Variants in SATL1 observed in about 807,000 individuals in gnomAD.
The protein encoded by SATL1 is spermidine/spermine N1-acetyl transferase like 1.
In SATL1, 47 loss-of-function variants were observed where a neutral mutation model predicts 51.8. That is an observed-to-expected ratio of 0.91 (90% CI 0.72 to 1.16). SATL1 has a LOEUF of 1.16. Among genes scored for constraint, SATL1 ranks in the 50% most tolerant of loss-of-function variants. The pLI is 0.00. For synonymous variants in SATL1, 176 were observed against 182.4 expected (o/e 0.97, Z 0.28); for missense variants, 520 against 526.4 (o/e 0.99, Z 0.12).
intron 2 of SATL1, chrX:85,142,817 T>A (rs1162224913): frequency 8.9e-6 from 1 of 112,020 alleles, no homozygotes; most frequent in Admixed American, 9.5e-5. Flanking sequence ...CCCAACTGGA[T>A]TACATCTGTA....
At chrX:85,098,728 T>C (rs144250317) in intron 4 of SATL1, among the ~76,000 whole-genome samples, 2,433 of 111,233 alleles carry the variant, frequency 0.022, 100 homozygotes, top group Admixed American at 0.13. Flanking sequence ...GAGGAAAGTA[T>C]AAGGGAAATA....
intron 2 of SATL1, chrX:85,211,663 T>G (rs1461462440): frequency 9.0e-6 from 1 of 110,801 alleles, no homozygotes; most frequent in Non-Finnish European, 1.9e-5. Flanking sequence ...CTGCTTAGAG[T>G]GGTGACTGAA....
intron 1 of SATL1, among the ~76,000 whole-genome samples, chrX:85,240,695 C>T (rs983343278): frequency 9.1e-6 from 1 of 110,348 alleles, no homozygotes; most frequent in Non-Finnish European, 1.9e-5. Context: ...CCCTCTCTAT[C>T]GGTATCATTA....
At chrX:85,209,178 T>G (rs953052171) in intron 2 of SATL1, 3 of 112,044 alleles carry the variant, frequency 2.7e-5, no homozygotes, top group African/African-American at 9.7e-5. Flanking sequence ...TTTGTCAGGT[T>G]TGTCAAAGAT....
intron 2 of SATL1, among the ~76,000 whole-genome samples, chrX:85,135,459 C>T (rs1925927506): frequency 9.0e-6 from 1 of 111,088 alleles, no homozygotes; most frequent in South Asian, 3.9e-4. Context: ...AAAATCAATA[C>T]TTGATTCACT....
At chrX:85,104,015 G>T (rs759926967) in intron 3 of SATL1, 100 bp from the exon 4 acceptor site, 2 of 590,545 alleles carry the variant, frequency 3.4e-6, no homozygotes, top group Non-Finnish European at 5.4e-6. Context: ...GACATGTGAC[G>T]TCCTGGGCAG....
intron 2 of SATL1, among the ~76,000 whole-genome samples, chrX:85,155,247 G>T (rs1926557630): frequency 9.0e-6 from 1 of 111,086 alleles, no homozygotes. Context: ...AGATGTTAAA[G>T]AAGCATTATG....
At chrX:85,177,858 G>A (rs753997003) in intron 2 of SATL1, among the ~76,000 whole-genome samples, 147 of 111,093 alleles carry the variant, frequency 1.3e-3, no homozygotes, top group African/African-American at 4.5e-3. Context: ...TAACAATTGG[G>A]TCAATAAATA....
intron 3 of SATL1, among the ~76,000 whole-genome samples, chrX:85,105,351 G>A (rs754342447): frequency 9.0e-6 from 1 of 111,366 alleles, no homozygotes; most frequent in African/African-American, 3.3e-5. Context: ...CTTGAGGGTA[G>A]AGAGAGACTG....
chrX:85,241,511 A>G (rs775866872), intron 1 of SATL1, among the ~76,000 whole-genome samples: 1 of 111,945 alleles, frequency 8.9e-6, no homozygotes, highest in South Asian at 3.7e-4. Flanking sequence ...ATACAATACT[A>G]TTTTCCAAAA....
chrX:85,144,575 G>A (rs1343062013), intron 2 of SATL1, among the ~76,000 whole-genome samples: 1 of 112,118 alleles, frequency 8.9e-6, no homozygotes, highest in Non-Finnish European at 1.9e-5. Context: ...TTCTGTGCAT[G>A]TTTATAGGTC....
intron 2 of SATL1, among the ~76,000 whole-genome samples, chrX:85,145,543 A>C (rs990792560): frequency 9.0e-6 from 1 of 111,451 alleles, no homozygotes; most frequent in African/African-American, 3.3e-5. Context: ...AGTATGAATA[A>C]GATATATTTG....
chrX:85,178,447 CTA>C (rs1382982918), intron 2 of SATL1, among the ~76,000 whole-genome samples: 3 of 109,790 alleles, frequency 2.7e-5, no homozygotes, highest in Non-Finnish European at 5.7e-5. Context: ...AACAGTCTCC[CTA>C]TGTTTCCCAG....
In SATL1 at chrX:85,108,850, C is replaced by T. The variant is rs1371306041; in HGVS notation, c.119G>A (p.Ser40Asn). Residue 40 changes from serine (S) to asparagine (N), a missense_variant, in exon 3 of 8, where the codon AGC (serine) becomes AAC (asparagine). Ser to Asn is a conservative substitution (Grantham distance 46). Around this residue, in one of 3 missense-constraint regions of SATL1, gnomAD observed 10 missense variants for 28.3 expected, o/e 0.35. Transcript: ENST00000644105. ...NQMDMNQGSA[S>N]LYEMNQVDMK... ...GTCCACTTGGTTCATTTCATATAGG[C>T]TTGCACTCCCTTGGTTCATGTCCAT... 8.3e-7 allele frequency: 1 copy of T among 1,211,568 alleles called. No homozygotes were observed. Among genetic ancestry groups the T allele is most frequent in the Admixed American group, 2.2e-5 (1 of 46,016 alleles).
intron 2 of SATL1, among the ~76,000 whole-genome samples, chrX:85,133,268 G>T (rs1925861761): frequency 8.9e-6 from 1 of 112,238 alleles, no homozygotes; most frequent in African/African-American, 3.2e-5. Flanking sequence ...CAGAGGTGGG[G>T]TCTACAGAGG....
At chrX:85,135,132 C>T (rs1210313338) in intron 2 of SATL1, among the ~76,000 whole-genome samples, 3 of 110,028 alleles carry the variant, frequency 2.7e-5, no homozygotes, top group Non-Finnish European at 3.8e-5. Context: ...AATGAGAGCA[C>T]ATGGACACAT....
At chrX:85,145,921 G>A (rs1602866038) in intron 2 of SATL1, among the ~76,000 whole-genome samples, 1 of 99,496 alleles carries the variant, frequency 1.0e-5, no homozygotes, top group Non-Finnish European at 2.0e-5. Flanking sequence ...TTTTGAGACA[G>A]AGTCTCGCTC....
intron 2 of SATL1, among the ~76,000 whole-genome samples, chrX:85,134,673 T>A (rs1322155933): frequency 1.8e-5 from 2 of 111,668 alleles, no homozygotes; most frequent in Non-Finnish European, 3.8e-5. Context: ...AGTTGGGAAA[T>A]AGAAGTTATT....
At chrX:85,121,966 T>C (rs1389102265) in intron 2 of SATL1, among the ~76,000 whole-genome samples, 1 of 109,417 alleles carries the variant, frequency 9.1e-6, no homozygotes, top group Non-Finnish European at 1.9e-5. Context: ...AACATCGTGT[T>C]GTACACCATA....
Sources: allele counts gnomAD v4.1 joint callset (sites outside exome capture counted in the v4.1 genomes callset), GRCh38; gene constraint gnomAD v4.1.1; regional missense constraint gnomAD v4.1.1; transcripts MANE v1.5; gene names NCBI Gene and HGNC (gene_info 2026-07-23, HGNC 2026-07-21).